Variants in SIGLEC10 observed in about 807,000 individuals in gnomAD.
The protein encoded by SIGLEC10 is sialic acid binding Ig like lectin 10, also known as sialic acid-binding Ig-like lectin 10.
In SIGLEC10, 45 loss-of-function variants were observed where a neutral mutation model predicts 68.3. That is an observed-to-expected ratio of 0.66 (90% confidence interval 0.52 to 0.84). The LOEUF (loss-of-function observed/expected upper bound fraction) is 0.84, where lower values mean the gene tolerates loss of function less well. SIGLEC10 is among the 40% of genes least tolerant of loss of function. The probability of loss-of-function intolerance (pLI) is 0.00; values close to 1 mark genes in which losing one functional copy is unlikely to be tolerated. For missense variants in SIGLEC10, 789 were observed against 883.1 expected, an observed-to-expected ratio of 0.89 and a Z score of 1.35; for synonymous variants, 379 against 370.8, an observed-to-expected ratio of 1.02 and a Z score of -0.26.
chr19:51,415,574 T>C lies in SIGLEC10; in HGVS notation c.1066A>G (p.Arg356Gly). The C allele has an allele frequency of 6.2e-7, 1 of 1,614,018 alleles. No individual in the cohort carries two copies. The highest frequency in any genetic ancestry group is 8.5e-7 in the Non-Finnish European group (1 of 1,179,882). Residue 356 changes from arginine (R) to glycine (G), a missense_variant, in exon 6 of 11, where the codon AGG becomes GGG. Transcript: ENST00000339313. ...NLRVMVSQANRTVLENLGNGT... is the reference protein window; with the variant it reads ...NLRVMVSQANGTVLENLGNGT... ...CCTCTGTCCCCTTTCCTACCTGTCCTGTTTGCTTGGGAAACCATCACTCTC... is the reference window on the plus strand; with the variant it reads ...CCTCTGTCCCCTTTCCTACCTGTCCCGTTTGCTTGGGAAACCATCACTCTC...
At chr19:51,412,223 G>A (rs999903229) in intron 10 of SIGLEC10, among the ~76,000 whole-genome samples, 15 of 152,168 alleles carry the variant, frequency 9.9e-5, no homozygotes, top group South Asian at 4.2e-4. Context: ...GGGTGAGAAC[G>A]GAAGCAGAGA....
At chr19:51,416,407 C>T (rs769076743) in intron 3 of SIGLEC10, 50 bp from the exon 4 acceptor site, 14 of 1,613,896 alleles carry the variant, frequency 8.7e-6, no homozygotes, top group Admixed American at 8.3e-5. Context: ...TTATTCCTCA[C>T]ACCTGGAAAA....
chr19:51,411,060 T>C lies in SIGLEC10; in HGVS notation c.*39A>G. 1 of 1,590,802 alleles carries C rather than the reference T, an allele frequency of 6.3e-7. No homozygotes were observed. The highest frequency in any genetic ancestry group is 2.2e-5 in the East Asian group (1 of 44,550). On this transcript the variant is annotated 3_prime_UTR_variant, in exon 11 of 11. Transcript: ENST00000339313. Reference sequence around the variant, plus strand: ...TCTTCAACCTCTTACTCTACCTTCCTCCCTAGCCGAAGTCCCAGTCCTAAA... The same window carrying C: ...TCTTCAACCTCTTACTCTACCTTCCCCCCTAGCCGAAGTCCCAGTCCTAAA...
chr19:51,414,753 C>T lies in SIGLEC10; in HGVS notation c.1615+71G>A. ...GTGTCCCTCCAAGCTCCTGCTCCAA[C>T]CACAGGACCCTACTCTTTGCCCCAG... On this transcript the variant is annotated intron_variant, in intron 8 of 10. Coordinates refer to ENST00000339313, the MANE Select transcript of SIGLEC10 (RefSeq NM_033130.5). This position sits in a 1 kb window ranked among gnomAD's most constrained non-coding sequence, Gnocchi z 4.1. 1 of 1,599,386 alleles carries T rather than the reference C, an allele frequency of 6.3e-7. No homozygotes were observed. Among genetic ancestry groups the T allele is most frequent in the South Asian group, 1.1e-5 (1 of 89,436 alleles).
Position 51,414,181 on chromosome 19 carries a change from C to T in SIGLEC10, c.1709+241G>A. 1.7e-6 allele frequency: 1 copy of T among 575,456 alleles called. No homozygotes were observed. The highest frequency in any genetic ancestry group is 3.1e-6 in the Non-Finnish European group (1 of 322,162). 35.6% of individuals were successfully genotyped at this position (575,456 alleles called of 1,614,324 possible). On this transcript the variant is annotated intron_variant, in intron 9 of 10. Coordinates refer to ENST00000339313, the MANE Select transcript of SIGLEC10 (RefSeq NM_033130.5). The surrounding 1 kb of genome is among the most constrained non-coding windows in gnomAD (Gnocchi z 4.1). ...TCATATTATTACTAACAAGCTTCAG[C>T]TGTGCCTAATTACAAGAAACACTTC...
At position 51,417,576 on chromosome 19, in the gene SIGLEC10, T is replaced by C. The variant is rs760704453; in HGVS notation, c.6A>G (p.Leu2=). M[L]LPLLLSSLLG... is the part of the protein sequence containing the mutation. ...GCAGCGAGGACAGCAGCAGTGGCAG[T>C]AGCATCTCCGCATAGGAGGCGCAGG... The change falls in exon 1 of 11, where the codon CTA becomes CTG. Residue 2 remains leucine, a synonymous_variant. Transcript: ENST00000339313. 10 of 1,614,060 alleles carry C rather than the reference T, an allele frequency of 6.2e-6. No individual in the cohort carries two copies. Among genetic ancestry groups the C allele is most frequent in the Non-Finnish European group, 8.5e-6 (10 of 1,180,006 alleles).
At position 51,414,555 on chromosome 19, in the gene SIGLEC10, G is replaced by A. The variant is rs775774589; in HGVS notation, c.1616-40C>T. 5.0e-6 allele frequency: 8 copies of A among 1,590,468 alleles called. No homozygotes were observed. The highest frequency in any genetic ancestry group is 3.4e-5 in the Admixed American group (2 of 58,792). On this transcript the variant is annotated intron_variant, in intron 8 of 10. Coordinates refer to ENST00000339313, the MANE Select transcript of SIGLEC10 (RefSeq NM_033130.5). The surrounding 1 kb of genome is among the most constrained non-coding windows in gnomAD (Gnocchi z 4.1). The stretch of plus-strand genomic sequence containing the variant: ...GGCAAGGTGAGCATTTCCCATCCAC[G>A]CAGGGCTCACGAAGCCCGCTCATCA...
chr19:51,415,918 G>A lies in SIGLEC10; in HGVS notation c.1004C>T (p.Ala335Val). 6.2e-7 allele frequency: 1 copy of A among 1,612,984 alleles called. No individual in the cohort carries two copies. The highest frequency in any genetic ancestry group is 2.2e-5 in the East Asian group (1 of 44,864). The change falls in exon 5 of 11, where the codon GCC becomes GTC. Residue 335 changes from alanine (A) to valine (V), a missense_variant. Coordinates refer to ENST00000339313, the MANE Select transcript of SIGLEC10 (RefSeq NM_033130.5). ...AENRLGSQQR[A>V]LDLSVQYPPE... Reference sequence around the variant, plus strand: ...CTCACACTGCACAGAGAGGTCCAGGGCTCGCTGCTGGGAGCCAAGCCTGTT... The same window carrying A: ...CTCACACTGCACAGAGAGGTCCAGGACTCGCTGCTGGGAGCCAAGCCTGTT...
At position 51,414,693 on chromosome 19, in the gene SIGLEC10, T is replaced by C. The variant is rs1988397444; in HGVS notation, c.1615+131A>G. 3.0e-5 allele frequency: 44 copies of C among 1,477,098 alleles called. No individual in the cohort carries two copies. The South Asian group carries it at 4.3e-4, about 15-fold the overall frequency. The allele number at this position is 1,477,098 out of a possible 1,614,324, so 91.5% of individuals were successfully genotyped here. A position where few individuals can be genotyped will look rare whatever the true frequency, so the allele number is the denominator to read the frequency against. ...CCAGGTGTTAGGACTTCCCATTGTG[T>C]TTTCCTGTCTACATACAGATGCCAC... is the stretch of plus-strand genomic sequence containing the variant. On this transcript the variant is annotated intron_variant, in intron 8 of 10. Coordinates refer to ENST00000339313, the MANE Select transcript of SIGLEC10 (RefSeq NM_033130.5). This position sits in a 1 kb window ranked among gnomAD's most constrained non-coding sequence, Gnocchi z 4.1.
At chr19:51,412,739 G>A (rs1250301460) in intron 10 of SIGLEC10, among the ~76,000 whole-genome samples, 1 of 151,568 alleles carries the variant, frequency 6.6e-6, no homozygotes, top group Non-Finnish European at 1.5e-5. Flanking sequence ...GCCTCCCAAA[G>A]TGCTGGGATT....
intron 10 of SIGLEC10, among the ~76,000 whole-genome samples, chr19:51,413,049 G>A (rs1348519833): frequency 6.6e-6 from 1 of 152,134 alleles, no homozygotes; most frequent in Non-Finnish European, 1.5e-5. Context: ...CCCACATGGA[G>A]ATGTTGCATA....
At position 51,411,391 on chromosome 19, in the gene SIGLEC10, C is replaced by T. The variant is rs756624640; in HGVS notation, c.1822-20G>A. 6.2e-7 allele frequency: 1 copy of T among 1,611,552 alleles called. No homozygotes were observed. The highest frequency in any genetic ancestry group is 1.1e-5 in the South Asian group (1 of 91,050). On this transcript the variant is annotated intron_variant, in intron 10 of 10. Transcript: ENST00000339313. ...CTGAGCCTGAGGGAAGAACCACCATCCTTCATTCATTCATTCAGCAAATAT... is the reference window on the plus strand; with the variant it reads ...CTGAGCCTGAGGGAAGAACCACCATTCTTCATTCATTCATTCAGCAAATAT...
rs375392809 is a variant in SIGLEC10 at position 51,416,180 on chromosome 19, GAAAA to G, written c.755-17_755-14del. The stretch of plus-strand genomic sequence containing the variant: ...TGGGGCTCCAGGGCTGGAGTGGGAG[GAAAA>G]AAAAAAAAGAGAGAAAGGGAGGGAG... On this transcript the variant is annotated splice_polypyrimidine_tract_variant and intron_variant, in intron 4 of 10. Coordinates refer to ENST00000339313, the MANE Select transcript of SIGLEC10 (RefSeq NM_033130.5). 3.7e-6 allele frequency: 5 copies of G among 1,346,732 alleles called. No homozygotes were observed. Among genetic ancestry groups the G allele is most frequent in the Non-Finnish European group, 5.1e-6 (5 of 977,572 alleles). 83.4% of individuals were successfully genotyped at this position (1,346,732 alleles called of 1,614,324 possible). A position where few individuals can be genotyped will look rare whatever the true frequency, so the allele number is the denominator to read the frequency against.
intron 10 of SIGLEC10, 135 bp from the exon 11 acceptor site, chr19:51,411,506 TG>T: frequency 8.8e-7 from 1 of 1,138,580 alleles, no homozygotes; most frequent in Non-Finnish European, 1.2e-6. Flanking sequence ...CATTCCATCT[TG>T]GAAGGAGGAA....
intron 4 of SIGLEC10, 67 bp downstream of exon 4, chr19:51,416,243 C>T (rs375450019): frequency 7.4e-6 from 12 of 1,612,826 alleles, no homozygotes; most frequent in African/African-American, 1.3e-5. Flanking sequence ...GAGCACATCC[C>T]CTCATCCCCT....
chr19:51,411,044 T>A lies in SIGLEC10; in HGVS notation c.*55A>T. The A allele has an allele frequency of 6.4e-7, 1 of 1,565,200 alleles. No homozygotes were observed. Among genetic ancestry groups the A allele is most frequent in the Non-Finnish European group, 8.7e-7 (1 of 1,154,246 alleles). ...ACTTTGCACTCTGTTATCTTCAACC[T>A]CTTACTCTACCTTCCTCCCTAGCCG... On this transcript the variant is annotated 3_prime_UTR_variant, in exon 11 of 11. Transcript: ENST00000339313.
chr19:51,416,043 T>G lies in SIGLEC10; in HGVS notation c.879A>C (p.Arg293Ser), dbSNP rs1313688320. ...CCCAGGGATGGGACGAGGAGAGGAC[T>G]CTGTTCTGCAGGACCCAGCTCAGTG... ...PATLSWVLQNRVLSSSHPWGP... is the reference protein window; with the variant it reads ...PATLSWVLQNSVLSSSHPWGP... Residue 293 changes from arginine to serine, a missense_variant, in exon 5 of 11, where the codon AGA becomes AGC. Transcript: ENST00000339313. The G allele has an allele frequency of 6.2e-7, 1 of 1,612,920 alleles. No homozygotes were observed. Among genetic ancestry groups the G allele is most frequent in the African/African-American group, 1.3e-5 (1 of 74,866 alleles).
At position 51,416,185 on chromosome 19, in the gene SIGLEC10, A is replaced by G; in HGVS notation, c.755-18T>C. ...CTCCAGGGCTGGAGTGGGAGGAAAAAAAAAAAAGAGAGAAAGGGAGGGAGA... is the reference window on the plus strand; with the variant it reads ...CTCCAGGGCTGGAGTGGGAGGAAAAGAAAAAAAGAGAGAAAGGGAGGGAGA... On this transcript the variant is annotated intron_variant, in intron 4 of 10. Transcript: ENST00000339313. 6.2e-7 allele frequency: 1 copy of G among 1,603,654 alleles called. No homozygotes were observed. The highest frequency in any genetic ancestry group is 1.1e-5 in the South Asian group (1 of 90,190).
In SIGLEC10 at chr19:51,414,844, C is replaced by T; in HGVS notation, c.1595G>A (p.Gly532Glu). The change falls in exon 8 of 11, where the codon GGA becomes GAA. Residue 532 changes from glycine (G) to glutamate (E), a missense_variant. Coordinates refer to ENST00000339313, the MANE Select transcript of SIGLEC10 (RefSeq NM_033130.5). This position sits in a 1 kb window ranked among gnomAD's most constrained non-coding sequence, Gnocchi z 4.1. ...CTAACCTGGCAGCTGCAGGATGGAT[C>T]CACTCTGGGCCCCATGGACGTTCCA... ...EAWNVHGAQS[G>E]SILQLPDKKG... 11 of 1,613,962 alleles carry T rather than the reference C, an allele frequency of 6.8e-6. No individual in the cohort carries two copies. The highest frequency in any genetic ancestry group is 8.5e-6 in the Non-Finnish European group (10 of 1,179,948).
Sources: allele counts gnomAD v4.1 joint callset (sites outside exome capture counted in the v4.1 genomes callset), GRCh38; gene constraint gnomAD v4.1.1; non-coding constraint Gnocchi (gnomAD v3.1); transcripts MANE v1.5; gene names NCBI Gene and HGNC (gene_info 2026-07-23, HGNC 2026-07-21).